FARSB: variants seen among roughly 807,000 people sequenced by gnomAD.
The protein encoded by FARSB is phenylalanine--tRNA ligase beta subunit.
In FARSB, 40 loss-of-function variants were observed where a neutral mutation model predicts 69.6. The observed-to-expected ratio is 0.57, with a 90% confidence interval of 0.45 to 0.75. FARSB has a LOEUF of 0.75. Ranked by LOEUF, FARSB falls within the 30% of genes least tolerant of loss-of-function variation. The probability of loss-of-function intolerance (pLI) is 0.00; values close to 1 mark genes in which losing one functional copy is unlikely to be tolerated. For synonymous variants in FARSB, 235 were observed against 247.2 expected, an observed-to-expected ratio of 0.95 and a Z score of 0.46; for missense variants, 632 against 722.9, an observed-to-expected ratio of 0.87 and a Z score of 1.44.
At chr2:222,589,407 A>G (rs1199299122) in intron 16 of FARSB, among the ~76,000 whole-genome samples, 1 of 152,178 alleles carries the variant, frequency 6.6e-6, no homozygotes, top group Non-Finnish European at 1.5e-5. Flanking sequence ...AACCATAAAA[A>G]TCCTAGAATA....
chr2:222,655,639 T>C (rs1336922627), intron 1 of FARSB, among the ~76,000 whole-genome samples: 2 of 152,170 alleles, frequency 1.3e-5, no homozygotes, highest in Non-Finnish European at 2.9e-5. Context: ...TCTCTCCTCC[T>C]ACCCCCTTAT....
intron 3 of FARSB, 144 bp from the exon 4 acceptor site, chr2:222,641,075 TAA>T (rs757997052): frequency 5.6e-4 from 154 of 277,148 alleles, no homozygotes; most frequent in East Asian, 8.7e-4. Context: ...GGCTGAACAC[TAA>T]AAAAAAAAAA....
intron 14 of FARSB, among the ~76,000 whole-genome samples, chr2:222,614,696 G>A (rs1308830127): frequency 6.6e-6 from 1 of 152,102 alleles, no homozygotes; most frequent in East Asian, 1.9e-4. Flanking sequence ...TTAAAAATTA[G>A]CTAGGTATGG....
intron 15 of FARSB, among the ~76,000 whole-genome samples, chr2:222,605,243 C>T (rs993804775): frequency 4.0e-5 from 6 of 149,398 alleles, no homozygotes; most frequent in Non-Finnish European, 5.9e-5. Flanking sequence ...AAAAATGAAA[C>T]GAAACAGAAC....
At chr2:222,618,034 T>C (rs932655062) in intron 14 of FARSB, among the ~76,000 whole-genome samples, 1 of 152,194 alleles carries the variant, frequency 6.6e-6, no homozygotes, top group Non-Finnish European at 1.5e-5. Context: ...ATACCTCTTA[T>C]TAAAAGGAAC....
At chr2:222,586,330 A>T (rs1159950465) in intron 16 of FARSB, among the ~76,000 whole-genome samples, 1 of 152,248 alleles carries the variant, frequency 6.6e-6, no homozygotes, top group Non-Finnish European at 1.5e-5. Context: ...TGTCACCACC[A>T]GGCCTACCTT....
At chr2:222,623,863 A>G in intron 12 of FARSB, 133 bp from the exon 13 acceptor site, 1 of 644,052 alleles carries the variant, frequency 1.6e-6, no homozygotes, top group Admixed American at 2.9e-5. Context: ...TTTCACCCTT[A>G]CTAACGTACT....
intron 14 of FARSB, among the ~76,000 whole-genome samples, chr2:222,615,923 C>T (rs1429959966): frequency 6.6e-6 from 1 of 152,168 alleles, no homozygotes; most frequent in Non-Finnish European, 1.5e-5. Flanking sequence ...GGAAATTTAA[C>T]TTATTGAAAT....
At position 222,648,840 on chromosome 2, in the gene FARSB, A is replaced by G. The variant is rs767242948; in HGVS notation, c.59-45T>C. On this transcript the variant is annotated intron_variant, in intron 1 of 16. Transcript: ENST00000281828. The stretch of plus-strand genomic sequence containing the variant: ...GATGGTTAATTTCACTCTGTTCAGT[A>G]TAAGTGAAAACTACATACAAACTGC... 4.6e-6 allele frequency: 6 copies of G among 1,310,814 alleles called. No individual in the cohort carries two copies. The Admixed American group carries it at 5.0e-5, about 11-fold the overall frequency. 81.2% of individuals were successfully genotyped at this position (1,310,814 alleles called of 1,614,324 possible). A position where few individuals can be genotyped will look rare whatever the true frequency, so the allele number is the denominator to read the frequency against.
chr2:222,594,304 A>G (rs779063633), intron 16 of FARSB, among the ~76,000 whole-genome samples: 7 of 152,058 alleles, frequency 4.6e-5, no homozygotes, highest in Non-Finnish European at 8.8e-5. Flanking sequence ...ATAATTTTTT[A>G]TTACTATTAC....
At chr2:222,615,120 T>C (rs184421968) in intron 14 of FARSB, among the ~76,000 whole-genome samples, 54 of 152,322 alleles carry the variant, frequency 3.5e-4, no homozygotes, top group African/African-American at 1.1e-3. Flanking sequence ...AATTTCCTGC[T>C]TTGTCTGTAA....
chr2:222,637,370 T>C (rs1310382515), intron 5 of FARSB, among the ~76,000 whole-genome samples: 1 of 149,670 alleles, frequency 6.7e-6, no homozygotes, highest in Non-Finnish European at 1.5e-5. Context: ...GTGGGCAGAG[T>C]CCCAGAGAAA....
At chr2:222,610,653 C>A (rs1351222647) in intron 15 of FARSB, among the ~76,000 whole-genome samples, 2 of 152,138 alleles carry the variant, frequency 1.3e-5, no homozygotes, top group African/African-American at 2.4e-5. Flanking sequence ...GTAAAAAATT[C>A]CCATAAACCA....
chr2:222,640,493 G>A (rs558723443), intron 4 of FARSB, among the ~76,000 whole-genome samples: 2 of 151,728 alleles, frequency 1.3e-5, no homozygotes, highest in South Asian at 2.1e-4. Flanking sequence ...GTGTGGTGGC[G>A]TGTGTCTGTA....
intron 13 of FARSB, 144 bp from the exon 14 acceptor site, chr2:222,619,881 G>T (rs76119111): frequency 0.018 from 9,004 of 501,180 alleles, 111 homozygotes; most frequent in Non-Finnish European, 0.027. Flanking sequence ...GGTGTGAGCT[G>T]AAGTAAATGT....
intron 5 of FARSB, among the ~76,000 whole-genome samples, chr2:222,636,440 C>T (rs1691584645): frequency 1.3e-5 from 2 of 148,584 alleles, no homozygotes; most frequent in Admixed American, 6.7e-5. Context: ...ACTTCCAGGA[C>T]ACCACTTCTT....
chr2:222,639,474 AG>A, intron 5 of FARSB, 105 bp downstream of exon 5: 1 of 461,792 alleles, frequency 2.2e-6, no homozygotes, highest in Non-Finnish European at 4.0e-6. Context: ...GAGAGAAAGA[AG>A]GCAGAAGTGG....
At chr2:222,649,234 T>TAAA (rs71961708) in intron 1 of FARSB, among the ~76,000 whole-genome samples, 31 of 88,292 alleles carry the variant, frequency 3.5e-4, no homozygotes, top group East Asian at 7.7e-4. Flanking sequence ...CTCAAAAAAT[T>TAAA]AAAAAAAAAA....
chr2:222,590,263 G>A (rs1690231785), intron 16 of FARSB, among the ~76,000 whole-genome samples: 1 of 151,872 alleles, frequency 6.6e-6, no homozygotes, highest in African/African-American at 2.4e-5. Flanking sequence ...ACTATTGCAA[G>A]GACAAAAAAC....
Sources: gnomAD v4.1 joint callset for allele counts (sites outside exome capture counted in the v4.1 genomes callset) on GRCh38, gnomAD v4.1.1 for gene constraint, MANE v1.5 for transcripts, NCBI Gene and HGNC (gene_info 2026-07-23, HGNC 2026-07-21) for gene names.